Variants in C12orf54 observed in about 807,000 individuals in gnomAD.
The protein encoded by C12orf54 is uncharacterized protein C12orf54.
C12orf54 carries 24 observed loss-of-function variants against 26.4 expected under a neutral mutation model. The ratio of observed to expected loss-of-function variants is 0.91; its 90% CI spans 0.66 to 1.28. The LOEUF is 1.28. Ranked by LOEUF, C12orf54 falls within the 50% of genes most tolerant of loss-of-function variation. C12orf54 has a pLI of 0.00. For synonymous variants in C12orf54, 54 were observed against 47.0 expected (o/e 1.15, Z -0.61); for missense variants, 154 against 150.9 (o/e 1.02, Z -0.11).
the C12orf54 span, among the ~76,000 whole-genome samples, chr12:48,461,130 T>C: frequency 1.3e-5 from 2 of 151,922 alleles, no homozygotes. Flanking sequence ...TTTATTAATA[T>C]CAGAGGGAGT....
At chr12:48,423,066 C>T in the C12orf54 span, among the ~76,000 whole-genome samples, 1 of 152,102 alleles carries the variant, frequency 6.6e-6, no homozygotes, top group Non-Finnish European at 1.5e-5. Context: ...ATGCATCTGT[C>T]AGAGGTGGCT....
At chr12:48,437,984 G>A in the C12orf54 span, among the ~76,000 whole-genome samples, 2 of 152,196 alleles carry the variant, frequency 1.3e-5, no homozygotes, top group African/African-American at 4.8e-5. Context: ...CAGATGATAT[G>A]ATTGTATACC....
chr12:48,463,633 A>G, the C12orf54 span, among the ~76,000 whole-genome samples: 1 of 151,750 alleles, frequency 6.6e-6, no homozygotes, highest in East Asian at 1.9e-4. Context: ...GAAAGAAAGA[A>G]AACTTCAGGC....
At chr12:48,432,472 A>G in the C12orf54 span, among the ~76,000 whole-genome samples, 5 of 152,162 alleles carry the variant, frequency 3.3e-5, no homozygotes, top group African/African-American at 4.8e-5. Flanking sequence ...ATAGAACATC[A>G]TCCTTAATGC....
the C12orf54 span, among the ~76,000 whole-genome samples, chr12:48,418,256 G>A: frequency 6.6e-6 from 1 of 152,216 alleles, no homozygotes; most frequent in Non-Finnish European, 1.5e-5. Flanking sequence ...GTAGTGTCTG[G>A]AAGGGAAAGA....
At chr12:48,440,792 T>G in the C12orf54 span, among the ~76,000 whole-genome samples, 1 of 152,254 alleles carries the variant, frequency 6.6e-6, no homozygotes, top group African/African-American at 2.4e-5. Context: ...ATGTCTATAC[T>G]TGCAATTCTA....
chr12:48,496,522 TTGTC>T (rs771618373), exon 9 of C12orf54: 3 of 152,770 alleles, frequency 2.0e-5, no homozygotes, highest in Admixed American at 6.5e-5. Flanking sequence ...CAATCTGACT[TTGTC>T]TGAGTTTTTC....
At chr12:48,479,151 G>A (rs1472551845), upstream of C12orf54, among the ~76,000 whole-genome samples, 1 of 152,174 alleles carries the variant, frequency 6.6e-6, no homozygotes, top group Non-Finnish European at 1.5e-5. Context: ...AGAAAATGTG[G>A]CACATATGCA....
the C12orf54 span, among the ~76,000 whole-genome samples, chr12:48,439,819 G>A: frequency 6.6e-6 from 1 of 152,048 alleles, no homozygotes; most frequent in Non-Finnish European, 1.5e-5. Context: ...AATGGGTGCA[G>A]CACACCAACA....
the C12orf54 span, among the ~76,000 whole-genome samples, chr12:48,462,659 G>A: frequency 0.14 from 21,961 of 151,484 alleles, 2,806 homozygotes; most frequent in East Asian, 0.66. Flanking sequence ...AAAAGCATTT[G>A]ACAAAATCTA....
At chr12:48,459,318 C>T in the C12orf54 span, among the ~76,000 whole-genome samples, 1 of 152,130 alleles carries the variant, frequency 6.6e-6, no homozygotes, top group East Asian at 1.9e-4. Context: ...TTCTCAGCTG[C>T]CTCAAAGGTA....
chr12:48,492,926 T>C (rs1364847131), intron 6 of C12orf54, 21 bp from the exon 7 acceptor site: 1 of 1,611,310 alleles, frequency 6.2e-7, no homozygotes, highest in Non-Finnish European at 8.5e-7. Flanking sequence ...ACAGAATGAC[T>C]CTTCTCTGTG....
the C12orf54 span, among the ~76,000 whole-genome samples, chr12:48,453,599 T>TACACATATACA: frequency 5.5e-5 from 1 of 18,188 alleles, no homozygotes; most frequent in African/African-American, 2.2e-4. Flanking sequence ...ATGTGTATAT[T>TACACATATACA]CATGTTCTGA....
At chr12:48,431,664 C>T in the C12orf54 span, among the ~76,000 whole-genome samples, 18 of 152,068 alleles carry the variant, frequency 1.2e-4, no homozygotes, top group Non-Finnish European at 1.8e-4. Context: ...TAAAAACCTT[C>T]GAGAAAGTGA....
chr12:48,480,981 C>T (rs1478280385), upstream of C12orf54, among the ~76,000 whole-genome samples: 2 of 152,032 alleles, frequency 1.3e-5, no homozygotes, highest in Admixed American at 6.5e-5. Flanking sequence ...AACCAAATAC[C>T]ACATGTTCTC....
At chr12:48,441,094 C>A in the C12orf54 span, among the ~76,000 whole-genome samples, 1 of 152,112 alleles carries the variant, frequency 6.6e-6, no homozygotes, top group Non-Finnish European at 1.5e-5. Flanking sequence ...ATTTATCTAA[C>A]GTATGTGTTG....
chr12:48,422,610 A>G, the C12orf54 span, among the ~76,000 whole-genome samples: 2 of 152,206 alleles, frequency 1.3e-5, no homozygotes, highest in Non-Finnish European at 2.9e-5. Flanking sequence ...AAACATACTC[A>G]TTCACAATGG....
the C12orf54 span, among the ~76,000 whole-genome samples, chr12:48,456,686 A>G: frequency 1.3e-3 from 204 of 152,374 alleles, 1 homozygote; most frequent in African/African-American, 4.8e-3. Context: ...AGATGTTCAC[A>G]TAACATTTAG....
the C12orf54 span, among the ~76,000 whole-genome samples, chr12:48,467,197 A>T: frequency 1.3e-5 from 2 of 152,200 alleles, no homozygotes; most frequent in African/African-American, 2.4e-5. Flanking sequence ...ACAGAGGTAG[A>T]GACTGAAATA....
Sources: gnomAD v4.1 joint callset for allele counts (sites outside exome capture counted in the v4.1 genomes callset) on GRCh38, gnomAD v4.1.1 for gene constraint, MANE v1.5 for transcripts, NCBI Gene and HGNC (gene_info 2026-07-23, HGNC 2026-07-21) for gene names.